BRAF: variants seen among roughly 807,000 people sequenced by gnomAD.
BRAF encodes serine/threonine-protein kinase B-raf.
BRAF carries 16 observed loss-of-function variants against 104.6 expected under a neutral mutation model. That is an observed-to-expected ratio of 0.15 (90% confidence interval 0.10 to 0.23). The LOEUF (loss-of-function observed/expected upper bound fraction) is 0.23. Among genes scored for constraint, BRAF ranks in the 10% least tolerant of loss-of-function variants. BRAF has a pLI of 1.00. For missense variants in BRAF, 541 were observed against 937.3 expected, an observed-to-expected ratio of 0.58 and a Z score of 5.52; for synonymous variants, 310 against 341.6, an observed-to-expected ratio of 0.91 and a Z score of 1.02.
At chr7:140,897,380 TA>T (rs1815057429) in intron 1 of BRAF, among the ~76,000 whole-genome samples, 1 of 151,960 alleles carries the variant, frequency 6.6e-6, no homozygotes, top group Non-Finnish European at 1.5e-5. Context: ...CATCTTCATA[TA>T]ACAAATACTA....
Position 140,844,045 on chromosome 7 carries a change from T to C in BRAF, c.240+6066A>G, listed in dbSNP as rs543606989. Among the ~76,000 whole-genome samples, 12 of 152,072 alleles carry C rather than the reference T, an allele frequency of 7.9e-5. No homozygotes were observed. The South Asian group carries it at 2.1e-3, about 26-fold the overall frequency. ...AATAATAATAAAAATTAAAAAATTC[T>C]AGTTATTAATCGGAATTAGTTTAGC... is the stretch of plus-strand genomic sequence containing the variant. On this transcript the variant is annotated intron_variant, in intron 2 of 19. Coordinates refer to ENST00000644969, the MANE Select transcript of BRAF (RefSeq NM_001374258.1).
Position 140,787,300 on chromosome 7 carries a change from CA to C in BRAF, c.1177+247del, listed in dbSNP as rs1199383417. Among the ~76,000 whole-genome samples the C allele has an allele frequency of 8.3e-3, 455 of 55,040 alleles. No homozygotes were observed. The highest frequency in any genetic ancestry group is 0.016 in the East Asian group (23 of 1,410). The allele number at this position is 55,040 out of a possible 152,430, so 36.1% of individuals were successfully genotyped here. A position where few individuals can be genotyped will look rare whatever the true frequency, so the allele number is the denominator to read the frequency against. On this transcript the variant is annotated intron_variant, in intron 9 of 19. Transcript: ENST00000644969. ...TGGGCGACAGAGCGAGACTCCGTCT[CA>C]AAAAAAAAAAAAAAAAAAAAAAAGA...
At chr7:140,855,448 C>CA (rs1011032049) in intron 1 of BRAF, among the ~76,000 whole-genome samples, 4 of 150,322 alleles carry the variant, frequency 2.7e-5, no homozygotes, top group East Asian at 1.9e-4. Flanking sequence ...ACTCCTTCTC[C>CA]AAAAAAAAGA....
downstream of BRAF, among the ~76,000 whole-genome samples, chr7:140,716,602 T>C (rs141524270): frequency 6.6e-6 from 1 of 152,312 alleles, no homozygotes; most frequent in Admixed American, 6.5e-5. Context: ...TTACAGTATC[T>C]GTTCCTCTCT....
At chr7:140,870,306 T>C (rs1263869985) in intron 1 of BRAF, among the ~76,000 whole-genome samples, 1 of 152,138 alleles carries the variant, frequency 6.6e-6, no homozygotes, top group Non-Finnish European at 1.5e-5. Context: ...TAATAATTCC[T>C]TACATGTAAG....
chr7:140,892,766 C>T (rs1475725656), intron 1 of BRAF, among the ~76,000 whole-genome samples: 1 of 152,138 alleles, frequency 6.6e-6, no homozygotes, highest in African/African-American at 2.4e-5. Flanking sequence ...ACAGACCTCC[C>T]TGTCTTTACT....
intron 10 of BRAF, among the ~76,000 whole-genome samples, chr7:140,784,835 C>T (rs942228717): frequency 2.0e-5 from 3 of 151,962 alleles, no homozygotes; most frequent in South Asian, 2.1e-4. Context: ...TTTGTAGAGA[C>T]GGGGTTTCAC....
chr7:140,834,864 T>C lies in BRAF; in HGVS notation c.249A>G (p.Glu83=). The change falls in exon 3 of 20, where the codon GAA becomes GAG. Residue 83 remains glutamate, a synonymous_variant. Transcript: ENST00000644969. ...GTGCATCTAGCTTGCTGGTGTATTCTTCATAGGCCTATAAAATAAAGCAGA... is the reference window on the plus strand; with the variant it reads ...GTGCATCTAGCTTGCTGGTGTATTCCTCATAGGCCTATAAAATAAAGCAGA... The part of the protein sequence containing the change: ...NPPSIYLEAY[E]EYTSKLDALQ... 6.2e-7 allele frequency: 1 copy of C among 1,614,148 alleles called. No homozygotes were observed. The highest frequency in any genetic ancestry group is 1.3e-5 in the African/African-American group (1 of 75,068).
intron 1 of BRAF, among the ~76,000 whole-genome samples, chr7:140,892,727 T>C (rs1367370305): frequency 6.6e-6 from 1 of 152,198 alleles, no homozygotes; most frequent in Non-Finnish European, 1.5e-5. Context: ...AGTTTTTATC[T>C]GGTTTAGATT....
intron 1 of BRAF, among the ~76,000 whole-genome samples, chr7:140,867,792 C>T (rs1441914627): frequency 2.0e-5 from 3 of 152,130 alleles, no homozygotes; most frequent in African/African-American, 4.8e-5. Flanking sequence ...GTGCAACAGA[C>T]ATAGCATTAA....
At position 140,831,504 on chromosome 7, in the gene BRAF, G is replaced by C. The variant is rs529087748; in HGVS notation, c.504+3105C>G. 2.0e-5 allele frequency among the ~76,000 whole-genome samples: 3 copies of C among 152,212 alleles called. No homozygotes were observed. The South Asian group carries it at 6.2e-4, about 32-fold the overall frequency. ...AATTTTGTTTAGAAAACGACTTTTAGAGCTTTTTCATGGAATAAATGCTAC... is the reference window on the plus strand; with the variant it reads ...AATTTTGTTTAGAAAACGACTTTTACAGCTTTTTCATGGAATAAATGCTAC... On this transcript the variant is annotated intron_variant, in intron 3 of 19. Transcript: ENST00000644969.
intron 3 of BRAF, among the ~76,000 whole-genome samples, chr7:140,817,520 A>T (rs1430712781): frequency 6.6e-6 from 1 of 152,246 alleles, no homozygotes; most frequent in Non-Finnish European, 1.5e-5. Context: ...AACTGGAAGA[A>T]TCACATTACC....
intron 1 of BRAF, among the ~76,000 whole-genome samples, chr7:140,861,447 C>T (rs1011098858): frequency 2.0e-5 from 3 of 152,152 alleles, no homozygotes; most frequent in Admixed American, 2.0e-4. Context: ...TCCAGGAATG[C>T]GGAGTACACA....
intron 14 of BRAF, among the ~76,000 whole-genome samples, chr7:140,756,036 T>G (rs907974123): frequency 2.6e-5 from 4 of 151,952 alleles, no homozygotes; most frequent in African/African-American, 9.7e-5. Context: ...TTCAACAAAT[T>G]TGATGCAGAG....
chr7:140,764,525 A>T (rs1799111488), intron 14 of BRAF, among the ~76,000 whole-genome samples: 1 of 151,714 alleles, frequency 6.6e-6, no homozygotes, highest in African/African-American at 2.4e-5. Flanking sequence ...TTTGCAGACG[A>T]CATGATTGTA....
intron 1 of BRAF, among the ~76,000 whole-genome samples, chr7:140,860,935 G>GA (rs1248295505): frequency 6.6e-6 from 1 of 151,936 alleles, no homozygotes; most frequent in Admixed American, 6.6e-5. Context: ...CCCTAAGAGA[G>GA]AAAAAATGGC....
chr7:140,775,349 CT>C (rs760401887), intron 14 of BRAF, among the ~76,000 whole-genome samples: 2,928 of 141,718 alleles, frequency 0.021, 75 homozygotes, highest in African/African-American at 0.063. Context: ...GATTTTAATT[CT>C]TTTTTTTTTT....
rs535652748 is a variant in BRAF, at chr7:140,904,101, C to T, written c.138+20465G>A. ...GCACTGGCAGATCTGAGAGGACTGA[C>T]TCTAATTTTAAAAGCAGTTCTACTG... On this transcript the variant is annotated intron_variant, in intron 1 of 19. Coordinates refer to ENST00000644969, the MANE Select transcript of BRAF (RefSeq NM_001374258.1). Among the ~76,000 whole-genome samples the T allele has an allele frequency of 8.0e-4, 122 of 152,324 alleles. 1 individual carries two copies. The highest frequency in any genetic ancestry group is 2.9e-3 in the African/African-American group (119 of 41,568).
intron 1 of BRAF, among the ~76,000 whole-genome samples, chr7:140,898,955 T>C (rs925990136): frequency 2.0e-5 from 3 of 152,208 alleles, no homozygotes; most frequent in Non-Finnish European, 4.4e-5. Flanking sequence ...CAGGAGCTGT[T>C]TGTAGTGTGG....
Sources: gnomAD v4.1 joint callset for allele counts (sites outside exome capture counted in the v4.1 genomes callset) on GRCh38, gnomAD v4.1.1 for gene constraint, MANE v1.5 for transcripts, NCBI Gene and HGNC (gene_info 2026-07-23, HGNC 2026-07-21) for gene names.